Variants in PDE3B observed in about 807,000 individuals in gnomAD.
PDE3B encodes phosphodiesterase 3B.
Under a neutral mutation model 116.8 loss-of-function variants are expected in PDE3B, and 66 were observed. The observed-to-expected ratio is 0.56, with a 90% CI of 0.46 to 0.69. The LOEUF (loss-of-function observed/expected upper bound fraction) is 0.69, where lower values mean the gene tolerates loss of function less well. PDE3B is among the 30% of genes least tolerant of loss of function. The pLI, the probability that PDE3B is intolerant of heterozygous loss-of-function variation, is 0.00. For synonymous variants in PDE3B, 595 were observed against 533.6 expected, an observed-to-expected ratio of 1.12 and a Z score of -1.59; for missense variants, 1,384 against 1,368.1, an observed-to-expected ratio of 1.01 and a Z score of -0.18.
At chr11:14,858,977 A>G in intron 12 of PDE3B, 66 bp from the exon 13 acceptor site, 2 of 1,113,900 alleles carry the variant, frequency 1.8e-6, no homozygotes, top group Non-Finnish European at 2.7e-6. Flanking sequence ...TTCCAACCTG[A>G]TATTAAAGAT....
chr11:14,874,210 T>G (rs1565174201), downstream of PDE3B, among the ~76,000 whole-genome samples: 1 of 152,232 alleles, frequency 6.6e-6, no homozygotes, highest in Non-Finnish European at 1.5e-5. Context: ...ACTCATGCTT[T>G]CTTTTTATTT....
intron 5 of PDE3B, among the ~76,000 whole-genome samples, chr11:14,810,970 TG>T (rs1859108585): frequency 6.6e-6 from 1 of 151,512 alleles, no homozygotes; most frequent in Admixed American, 6.6e-5. Context: ...TGTCTTCTTT[TG>T]AGAAGTGTCT....
intron 1 of PDE3B, among the ~76,000 whole-genome samples, chr11:14,709,027 T>C (rs1015310953): frequency 2.0e-5 from 3 of 152,164 alleles, no homozygotes; most frequent in African/African-American, 7.2e-5. Flanking sequence ...CAATTCTATG[T>C]TGAGTTTATC....
intron 1 of PDE3B, among the ~76,000 whole-genome samples, chr11:14,661,474 G>A (rs1461452341): frequency 2.6e-5 from 4 of 152,204 alleles, no homozygotes; most frequent in Admixed American, 6.5e-5. Context: ...TGGGTGCAGC[G>A]CACCGTGCAC....
downstream of PDE3B, among the ~76,000 whole-genome samples, chr11:14,872,499 G>A (rs1195091961): frequency 6.6e-6 from 1 of 152,182 alleles, no homozygotes; most frequent in Non-Finnish European, 1.5e-5. Flanking sequence ...ACAAGAAGAG[G>A]GAGTGGTAGA....
chr11:14,779,279 C>T (rs1471289237), intron 2 of PDE3B, among the ~76,000 whole-genome samples: 1 of 152,138 alleles, frequency 6.6e-6, no homozygotes, highest in Non-Finnish European at 1.5e-5. Context: ...CCCAACCTAG[C>T]AAGGAAGGCC....
chr11:14,766,241 ATTC>A (rs1857491753), intron 1 of PDE3B, among the ~76,000 whole-genome samples: 1 of 151,690 alleles, frequency 6.6e-6, no homozygotes, highest in South Asian at 2.1e-4. Context: ...ATATCGTCAT[ATTC>A]TTTTCTCATC....
chr11:14,867,450 C>G (rs1848067987), intron 14 of PDE3B, 56 bp from the exon 15 acceptor site: 78 of 1,491,264 alleles, frequency 5.2e-5, no homozygotes, highest in Non-Finnish European at 7.0e-5. Context: ...AACAGCAAAG[C>G]TCAGTGGTGG....
intron 5 of PDE3B, among the ~76,000 whole-genome samples, chr11:14,804,759 A>G (rs1387845521): frequency 6.6e-6 from 1 of 152,170 alleles, no homozygotes; most frequent in Non-Finnish European, 1.5e-5. Context: ...TAAAATAACA[A>G]TGATGTTTAA....
chr11:14,661,799 C>A (rs1853925933), intron 1 of PDE3B, among the ~76,000 whole-genome samples: 2 of 152,216 alleles, frequency 1.3e-5, no homozygotes, highest in Admixed American at 1.3e-4. Flanking sequence ...AACAAAGCAG[C>A]AGGTAAGCTC....
chr11:14,771,967 TG>T lies in PDE3B; in HGVS notation c.1011del (p.Trp337CysfsTer20). On this transcript the variant is annotated frameshift_variant, in exon 2 of 16. Coordinates refer to ENST00000282096, the MANE Select transcript of PDE3B (RefSeq NM_000922.4). LOFTEE classifies it high-confidence loss of function. ...MILWDWDLKQWYKPHYQNSGG... is the reference protein window; with the variant it reads ...MILWDWDLKQXYKPHYQNSGG... ...TCTTTGGGATTGGGACTTAAAACAA[TG>T]GTATAAGCCTCATTATCAAGTAAGT... 7.4e-7 allele frequency: 1 copy of T among 1,349,280 alleles called. No homozygotes were observed. The highest frequency in any genetic ancestry group is 1.0e-6 in the Non-Finnish European group (1 of 995,966). 83.6% of individuals were successfully genotyped at this position (1,349,280 alleles called of 1,614,324 possible).
rs1859400588 is a variant in PDE3B, at chr11:14,818,409, G to A, written c.1733+16G>A. 4.6e-6 allele frequency: 7 copies of A among 1,536,238 alleles called. No homozygotes were observed. Among genetic ancestry groups the A allele is most frequent in the Non-Finnish European group, 5.4e-6 (6 of 1,109,662 alleles). On this transcript the variant is annotated intron_variant, in intron 6 of 15. Coordinates refer to ENST00000282096, the MANE Select transcript of PDE3B (RefSeq NM_000922.4). ...TGTGTAACAGGTAAGTTTCCCAACT[G>A]TTTATTATTTCTGTTTCAAAATGTT... is the stretch of plus-strand genomic sequence containing the variant.
chr11:14,759,302 T>A (rs1423112044), intron 1 of PDE3B, among the ~76,000 whole-genome samples: 3 of 152,124 alleles, frequency 2.0e-5, no homozygotes, highest in Non-Finnish European at 4.4e-5. Flanking sequence ...TTAGGGAGGA[T>A]TCCCTCTTTT....
At chr11:14,887,019 A>G in the PDE3B span, 1 of 152,298 alleles carries the variant, frequency 6.6e-6, no homozygotes, top group African/African-American at 2.4e-5. Flanking sequence ...ACTGCCTGCC[A>G]TAAGCAGTGG....
chr11:14,741,300 A>G (rs909464530), intron 1 of PDE3B, among the ~76,000 whole-genome samples: 3 of 151,988 alleles, frequency 2.0e-5, no homozygotes, highest in Non-Finnish European at 2.9e-5. Context: ...TTGGCTGCAT[A>G]TATATTTAGG....
chr11:14,869,776 A>T lies in PDE3B; in HGVS notation c.*116A>T. On this transcript the variant is annotated 3_prime_UTR_variant, in exon 16 of 16. Coordinates refer to ENST00000282096, the MANE Select transcript of PDE3B (RefSeq NM_000922.4). ...CTCTCAACTGACCATTCCCATGTGGACAGGCCTTAATACTGTGAGAGGATC... is the reference window on the plus strand; with the variant it reads ...CTCTCAACTGACCATTCCCATGTGGTCAGGCCTTAATACTGTGAGAGGATC... 1.3e-6 allele frequency: 1 copy of T among 775,022 alleles called. No homozygotes were observed. The highest frequency in any genetic ancestry group is 1.8e-5 in the South Asian group (1 of 56,732). 48.0% of individuals were successfully genotyped at this position (775,022 alleles called of 1,614,324 possible).
At chr11:14,814,096 G>A (rs1043051119) in intron 5 of PDE3B, among the ~76,000 whole-genome samples, 1 of 152,074 alleles carries the variant, frequency 6.6e-6, no homozygotes, top group Non-Finnish European at 1.5e-5. Context: ...TAAGCAAATT[G>A]GGAATAGAGG....
In PDE3B at chr11:14,803,996, A is replaced by C; in HGVS notation, c.1468A>C (p.Lys490Gln). The C allele has an allele frequency of 1.2e-6, 2 of 1,612,236 alleles. No homozygotes were observed. The highest frequency in any genetic ancestry group is 1.7e-6 in the Non-Finnish European group (2 of 1,178,364). The change falls in exon 5 of 16, where the codon AAG (lysine) becomes CAG (glutamine). Residue 490 changes from lysine to glutamine, a missense_variant. By Grantham distance (53) the Lys-to-Gln change is moderately conservative (BLOSUM62 1). Transcript: ENST00000282096. ...PFNSNLLTIPKQRSSSVSLTH... is the reference protein window; with the variant it reads ...PFNSNLLTIPQQRSSSVSLTH... Reference sequence around the variant, plus strand: ...TAATTCAAATCTACTGACTATCCCGAAGCAAAGGTCATCTTCTGTATCACT... The same window carrying C: ...TAATTCAAATCTACTGACTATCCCGCAGCAAAGGTCATCTTCTGTATCACT...
At chr11:14,795,376 T>C (rs1380640259) in intron 4 of PDE3B, among the ~76,000 whole-genome samples, 2 of 152,222 alleles carry the variant, frequency 1.3e-5, no homozygotes, top group Non-Finnish European at 2.9e-5. Flanking sequence ...AGTCTGACTT[T>C]AATCACCTTC....
Sources: gnomAD v4.1 joint callset for allele counts (sites outside exome capture counted in the v4.1 genomes callset) on GRCh38, gnomAD v4.1.1 for gene constraint, MANE v1.5 for transcripts, NCBI Gene and HGNC (gene_info 2026-07-23, HGNC 2026-07-21) for gene names.